Variants in MACF1 observed in about 807,000 individuals in gnomAD.
MACF1 encodes the protein microtubule actin crosslinking factor 1.
In MACF1, 193 loss-of-function variants were observed where a neutral mutation model predicts 854.8. That is an observed-to-expected ratio of 0.23 (90% CI 0.20 to 0.25). The LOEUF (loss-of-function observed/expected upper bound fraction) is 0.25, where lower values mean the gene tolerates loss of function less well. MACF1 is among the 10% of genes least tolerant of loss of function. MACF1 has a pLI of 1.00. For synonymous variants in MACF1, 3,185 were observed against 3,226.7 expected, an observed-to-expected ratio of 0.99 and a Z score of 0.44; for missense variants, 7,722 against 8,929.1, an observed-to-expected ratio of 0.86 and a Z score of 5.45.
chr1:39,318,344 G>A (rs1019083570), intron 29 of MACF1, 109 bp from the exon 30 acceptor site: 19 of 952,624 alleles, frequency 2.0e-5, no homozygotes, highest in Non-Finnish European at 2.9e-5. Flanking sequence ...AAGATGGATC[G>A]TTTGTGGTCA....
At chr1:39,344,431 CAAAAAAA>C (rs113140732) in intron 40 of MACF1, among the ~76,000 whole-genome samples, 2 of 77,990 alleles carry the variant, frequency 2.6e-5, no homozygotes, top group African/African-American at 1.0e-4. Context: ...GACTCTGTCT[CAAAAAAA>C]AAAAAAAAAA....
chr1:39,411,064 G>A (rs1244182249), intron 58 of MACF1: 1 of 1,613,672 alleles, frequency 6.2e-7, no homozygotes, highest in Non-Finnish European at 8.5e-7. Flanking sequence ...AAAAAGTTTA[G>A]CTAAGGGAGG....
upstream of MACF1, among the ~76,000 whole-genome samples, chr1:39,203,290 ATTCCTGGGC>A (rs1644414097): frequency 6.6e-6 from 1 of 152,144 alleles, no homozygotes; most frequent in South Asian, 2.1e-4. Context: ...TGCAGCCTTG[ATTCCTGGGC>A]TCAAGCCATC....
At chr1:39,268,142 C>T (rs1645255528) in intron 6 of MACF1, among the ~76,000 whole-genome samples, 1 of 151,994 alleles carries the variant, frequency 6.6e-6, no homozygotes, top group Non-Finnish European at 1.5e-5. Context: ...TTGGCCCGGG[C>T]CCTTCCCTTC....
intron 52 of MACF1, among the ~76,000 whole-genome samples, chr1:39,375,873 G>A (rs1167060965): frequency 6.6e-6 from 1 of 152,226 alleles, no homozygotes; most frequent in Non-Finnish European, 1.5e-5. Flanking sequence ...CAACTGACTT[G>A]AAGTGTTAAG....
At chr1:39,282,123 TA>T (rs1435977240) in intron 6 of MACF1, 84 bp from the exon 7 acceptor site, 2 of 1,425,368 alleles carry the variant, frequency 1.4e-6, no homozygotes, top group African/African-American at 2.8e-5. Flanking sequence ...TTCGTTTTAC[TA>T]AGAGCCATAA....
chr1:39,086,919 A>G (rs1248874485), intron 2 of MACF1, among the ~76,000 whole-genome samples: 1 of 152,126 alleles, frequency 6.6e-6, no homozygotes, highest in African/African-American at 2.4e-5. Flanking sequence ...AAATGGGGAG[A>G]CTGCCATGGT....
chr1:39,113,342 A>G (rs1642459603), intron 2 of MACF1, among the ~76,000 whole-genome samples: 1 of 152,178 alleles, frequency 6.6e-6, no homozygotes, highest in South Asian at 2.1e-4. Flanking sequence ...ATATGTCTCA[A>G]TCCAACATGT....
chr1:39,315,675 A>G lies in MACF1; in HGVS notation c.3433A>G (p.Thr1145Ala), dbSNP rs1283120593. 1 of 1,613,870 alleles carries G rather than the reference A, an allele frequency of 6.2e-7. No homozygotes were observed. Among genetic ancestry groups the G allele is most frequent in the East Asian group, 2.2e-5 (1 of 44,892 alleles). The change falls in exon 27 of 101, where the codon ACT becomes GCT. Residue 1145 changes from threonine to alanine, a missense_variant. Transcript: ENST00000564288. ...GATGGACCATGTCTATGGTCTCTCT[A>G]CTGTATATCTGAATAAGTGAGTGAG... ...EKMDHVYGLS[T>A]VYLNKLKTVD...
At chr1:39,170,073 G>T (rs1407760588) in intron 2 of MACF1, among the ~76,000 whole-genome samples, 1 of 150,590 alleles carries the variant, frequency 6.6e-6, no homozygotes, top group Non-Finnish European at 1.5e-5. Flanking sequence ...GAGCCACCGT[G>T]CCCAGCCTCT....
intron 58 of MACF1, among the ~76,000 whole-genome samples, chr1:39,419,659 T>G (rs1190241225): frequency 2.0e-5 from 3 of 152,178 alleles, no homozygotes; most frequent in East Asian, 3.9e-4. Flanking sequence ...TGAGATGGAG[T>G]TTCTCTCTTG....
intron 6 of MACF1, among the ~76,000 whole-genome samples, chr1:39,271,850 G>T (rs1212276611): frequency 6.6e-6 from 1 of 152,170 alleles, no homozygotes; most frequent in Non-Finnish European, 1.5e-5. Context: ...CTCCACACTG[G>T]CAAGGGAATG....
chr1:39,337,148 C>T, intron 37 of MACF1, 34 bp from the exon 38 acceptor site: 1 of 1,595,214 alleles, frequency 6.3e-7, no homozygotes, highest in Non-Finnish European at 8.5e-7. Flanking sequence ...AGGAGAACGT[C>T]AGAACTGAGT....
intron 94 of MACF1, chr1:39,463,917 T>C (rs1644608841): frequency 7.5e-6 from 3 of 398,280 alleles, no homozygotes; most frequent in South Asian, 3.0e-5. Flanking sequence ...ATAGGAGATA[T>C]TTCAGAGCTG....
chr1:39,444,838 A>G lies in MACF1; in HGVS notation c.19605+3A>G. 1.3e-6 allele frequency: 2 copies of G among 1,599,426 alleles called. No individual in the cohort carries two copies. Among genetic ancestry groups the G allele is most frequent in the Non-Finnish European group, 1.7e-6 (2 of 1,168,874 alleles). Reference sequence around the variant, plus strand: ...GCAGTAAGATGGAAGAAAGAAAGGTACAGTGTATGATCCCCATGTTTGAGT... The same window carrying G: ...GCAGTAAGATGGAAGAAAGAAAGGTGCAGTGTATGATCCCCATGTTTGAGT... On this transcript the variant is annotated splice_donor_region_variant and intron_variant, in intron 80 of 100. Coordinates refer to ENST00000564288, the MANE Select transcript of MACF1 (RefSeq NM_001394062.1).
intron 1 of MACF1, among the ~76,000 whole-genome samples, chr1:39,229,144 G>A (rs1168427426): frequency 6.6e-6 from 1 of 152,200 alleles, no homozygotes; most frequent in Non-Finnish European, 1.5e-5. Context: ...ACCTTTCAAT[G>A]TGAACTTATG....
chr1:39,185,012 C>G (rs1452766737), intron 2 of MACF1, among the ~76,000 whole-genome samples: 1 of 152,186 alleles, frequency 6.6e-6, no homozygotes, highest in Admixed American at 6.5e-5. Context: ...AGGGCTGGTG[C>G]TGGGCGTGGT....
chr1:39,355,129 A>G (rs1477632340), intron 44 of MACF1, among the ~76,000 whole-genome samples: 1 of 152,174 alleles, frequency 6.6e-6, no homozygotes, highest in African/African-American at 2.4e-5. Context: ...CCATTGTCAT[A>G]TTTTATATTA....
At position 39,336,489 on chromosome 1, in the gene MACF1, G is replaced by A; in HGVS notation, c.9901G>A (p.Glu3301Lys). The A allele has an allele frequency of 6.2e-7, 1 of 1,614,140 alleles. No individual in the cohort carries two copies. Among genetic ancestry groups the A allele is most frequent in the Non-Finnish European group, 8.5e-7 (1 of 1,180,004 alleles). The part of the protein sequence containing the change: ...IISPTVLETS[E>K]EKTVSLTVCS... ...TAGTCCTACTGTTCTAGAGACCAGTGAAGAAAAGACAGTGTCCCTAACAGT... is the reference window on the plus strand; with the variant it reads ...TAGTCCTACTGTTCTAGAGACCAGTAAAGAAAAGACAGTGTCCCTAACAGT... The change falls in exon 37 of 101, where the codon GAA becomes AAA. Residue 3301 changes from glutamate (E) to lysine (K), a missense_variant. Physicochemically the swap from Glu to Lys is moderately conservative, Grantham distance 56. This residue lies in a region of MACF1 where 854 missense variants were observed against 852.6 expected (regional missense o/e 1.00). Transcript: ENST00000564288.
Sources: allele counts gnomAD v4.1 joint callset (sites outside exome capture counted in the v4.1 genomes callset), GRCh38; gene constraint gnomAD v4.1.1; regional missense constraint gnomAD v4.1.1; transcripts MANE v1.5; gene names NCBI Gene and HGNC (gene_info 2026-07-23, HGNC 2026-07-21).